Variants in GATA5 observed in about 807,000 individuals in gnomAD.
GATA5 encodes transcription factor GATA-5.
In GATA5, 27 loss-of-function variants were observed where a neutral mutation model predicts 35.0. The ratio of observed to expected loss-of-function variants is 0.77; its 90% confidence interval spans 0.57 to 1.06. GATA5 has a LOEUF of 1.06. GATA5 is among the 50% of genes least tolerant of loss of function. The probability of loss-of-function intolerance (pLI) is 0.00; values close to 1 mark genes in which losing one functional copy is unlikely to be tolerated. For missense variants in GATA5, 612 were observed against 580.0 expected (o/e 1.06, Z -0.57); for synonymous variants, 306 against 267.8 (o/e 1.14, Z -1.39).
In GATA5 at chr20:62,470,938, C is replaced by T. The variant is rs1989705006; in HGVS notation, c.699+2465G>A. Among the ~76,000 whole-genome samples, 1 of 152,206 alleles carries T rather than the reference C, an allele frequency of 6.6e-6. No homozygotes were observed. Among genetic ancestry groups the T allele is most frequent in the African/African-American group, 2.4e-5 (1 of 41,452 alleles). On this transcript the variant is annotated intron_variant, in intron 3 of 6. Coordinates refer to ENST00000252997, the MANE Select transcript of GATA5 (RefSeq NM_080473.5). The surrounding 1 kb of genome is among the most constrained non-coding windows in gnomAD (Gnocchi z 4.6). ...CTACCCCAGACCAGGGAATGGAGGC[C>T]TCATCACGCCAAGGGCCCCCATTAG...
In GATA5 at chr20:62,464,804, G is replaced by A. The variant is rs1555895836; in HGVS notation, c.*32C>T. The A allele has an allele frequency of 6.4e-7, 1 of 1,552,914 alleles. No homozygotes were observed. The highest frequency in any genetic ancestry group is 8.7e-7 in the Non-Finnish European group (1 of 1,148,400). ...TGACTCAGTGGGTGGTCTGTTCCAG[G>A]CTGTTCCCCTGACATGGGCTGGCCT... On this transcript the variant is annotated 3_prime_UTR_variant, in exon 7 of 7. Transcript: ENST00000252997.
rs1249359892 is a variant in GATA5 at position 62,470,006 on chromosome 20, C to T, written c.699+3397G>A. On this transcript the variant is annotated intron_variant, in intron 3 of 6. Transcript: ENST00000252997. The surrounding 1 kb of genome is among the most constrained non-coding windows in gnomAD (Gnocchi z 4.6). ...CTGCCCAACAAGCAGCCCAGCCTGG[C>T]CACACTCAGCACCCTGCCCCCCAGG... Among the ~76,000 whole-genome samples, 3 of 152,232 alleles carry T rather than the reference C, an allele frequency of 2.0e-5. No homozygotes were observed. Among genetic ancestry groups the T allele is most frequent in the Non-Finnish European group, 4.4e-5 (3 of 68,038 alleles).
In GATA5 at chr20:62,464,856, A is replaced by C. The variant is rs782631347; in HGVS notation, c.1174T>G (p.Cys392Gly). The C allele has an allele frequency of 6.2e-7, 1 of 1,607,682 alleles. No individual in the cohort carries two copies. Among genetic ancestry groups the C allele is most frequent in the Non-Finnish European group, 8.5e-7 (1 of 1,177,176 alleles). Residue 392 changes from cysteine (C) to glycine (G), a missense_variant, in exon 7 of 7, where the codon TGT becomes GGT. By Grantham distance (159) the Cys-to-Gly change is radical. Coordinates refer to ENST00000252997, the MANE Select transcript of GATA5 (RefSeq NM_080473.5). Reference protein sequence around the residue: ...LRGALRQEAWCALALA With the variant: ...LRGALRQEAWGALALA ...GGGACCTAGGCCAAGGCCAGCGCAC[A>C]CCAGGCCTCTTGGCGCAGAGCCCCC... is the stretch of plus-strand genomic sequence containing the variant.
At position 62,475,191 on chromosome 20, in the gene GATA5, G is replaced by A. The variant is rs1989823484; in HGVS notation, c.331C>T (p.Arg111Ter). The A allele has an allele frequency of 1.6e-6, 2 of 1,264,128 alleles. No homozygotes were observed. Among genetic ancestry groups the A allele is most frequent in the Non-Finnish European group, 2.0e-6 (2 of 1,002,636 alleles). The allele number at this position is 1,264,128 out of a possible 1,614,324, so 78.3% of individuals were successfully genotyped here. A position where few individuals can be genotyped will look rare whatever the true frequency, so the allele number is the denominator to read the frequency against. The change falls in exon 2 of 7, where the codon CGA becomes TGA. Residue 111 changes from arginine to a stop codon, truncating the protein, a stop_gained. Transcript: ENST00000252997. LOFTEE classifies it high-confidence loss of function. ...GPGSGGSAGGRDGSAYQGALL... is the reference protein window; with the variant it reads ...GPGSGGSAGG ...GCGCCCTGGTAGGCACTGCCGTCTC[G>A]GCCCCCCGCGCTGCCGCCGCTGCCG...
chr20:62,471,899 C>CT (rs782266668), intron 3 of GATA5, among the ~76,000 whole-genome samples: 4,799 of 134,976 alleles, frequency 0.036, 212 homozygotes, highest in African/African-American at 0.11. Context: ...TGACTAATTT[C>CT]TTTTTTTTTT....
Position 62,465,437 on chromosome 20 carries a change from G to A in GATA5, c.941C>T (p.Pro314Leu), listed in dbSNP as rs1417429864. 6.2e-7 allele frequency: 1 copy of A among 1,609,018 alleles called. No homozygotes were observed. The highest frequency in any genetic ancestry group is 1.3e-5 in the African/African-American group (1 of 75,024). Reference protein sequence around the residue: ...SGSTRNASASPSAVASTDSSA... With the variant: ...SGSTRNASASLSAVASTDSSA... Reference sequence around the variant, plus strand: ...GCTGTCAGTGCTGGCGACAGCAGATGGGGAGGCCGAGGCATTCCTTGTGGA... The same window carrying A: ...GCTGTCAGTGCTGGCGACAGCAGATAGGGAGGCCGAGGCATTCCTTGTGGA... The change falls in exon 6 of 7, where the codon CCA (proline) becomes CTA (leucine). Residue 314 changes from proline to leucine, a missense_variant. Transcript: ENST00000252997.
At chr20:62,475,846 G>A (rs1989849271) in intron 1 of GATA5, 84 bp downstream of exon 1, 1 of 218,490 alleles carries the variant, frequency 4.6e-6, no homozygotes, top group African/African-American at 2.3e-5. Context: ...GCAGGACGCA[G>A]GGCCTGGAGA....
chr20:62,473,498 G>C lies in GATA5; in HGVS notation c.604C>G (p.Arg202Gly), dbSNP rs1261156758. 6.2e-7 allele frequency: 1 copy of C among 1,609,904 alleles called. No individual in the cohort carries two copies. Among genetic ancestry groups the C allele is most frequent in the Non-Finnish European group, 8.5e-7 (1 of 1,178,664 alleles). Reference sequence around the variant, plus strand: ...CACAGGTAGTGGCCGGTGCCGTCTCGGCGCCACAGCGGTGTGGACAGGGCC... The same window carrying C: ...CACAGGTAGTGGCCGGTGCCGTCTCCGCGCCACAGCGGTGTGGACAGGGCC... ...CGALSTPLWRRDGTGHYLCNA... is the reference protein window; with the variant it reads ...CGALSTPLWRGDGTGHYLCNA... Residue 202 changes from arginine to glycine, a missense_variant, in exon 3 of 7, where the codon CGA becomes GGA. Transcript: ENST00000252997.
At position 62,465,873 on chromosome 20, in the gene GATA5, G is replaced by A. The variant is rs1989573210; in HGVS notation, c.874C>T (p.Arg292Trp). ...GCCTTGGCGATGGTCTTTGGCTTCC[G>A]CTTCCGTGTCTGGATGCTTTCCTTC... ...MKKESIQTRK[R>W]KPKTIAKARG... The change falls in exon 5 of 7, where the codon CGG becomes TGG. Residue 292 changes from arginine (R) to tryptophan (W), a missense_variant. Transcript: ENST00000252997. 8 of 1,598,126 alleles carry A rather than the reference G, an allele frequency of 5.0e-6. No individual in the cohort carries two copies. Among genetic ancestry groups the A allele is most frequent in the Non-Finnish European group, 6.8e-6 (8 of 1,172,314 alleles).
chr20:62,471,534 G>T (rs1179944931), intron 3 of GATA5, among the ~76,000 whole-genome samples: 1 of 141,132 alleles, frequency 7.1e-6, no homozygotes, highest in Non-Finnish European at 1.5e-5. Flanking sequence ...CAGCTCAAAA[G>T]ATCCTCCTGC....
intron 3 of GATA5, among the ~76,000 whole-genome samples, chr20:62,472,912 A>G (rs1989757359): frequency 6.6e-6 from 1 of 152,204 alleles, no homozygotes; most frequent in African/African-American, 2.4e-5. Flanking sequence ...CTACAGACCC[A>G]AAGACTCTCC....
chr20:62,473,668 C>G, intron 2 of GATA5, 90 bp from the exon 3 acceptor site: 1 of 1,300,524 alleles, frequency 7.7e-7, no homozygotes. Context: ...TCCCCAGGAG[C>G]CTGGCGGCTT....
chr20:62,464,524 G>C lies in GATA5; in HGVS notation c.*312C>G, dbSNP rs948517365. On this transcript the variant is annotated 3_prime_UTR_variant, in exon 7 of 7. Transcript: ENST00000252997. ...CATTGATGACGGAATTCAAGTTGGTGGTGGTGGTGCCCTGCGTTGGCCTCC... is the reference window on the plus strand; with the variant it reads ...CATTGATGACGGAATTCAAGTTGGTCGTGGTGGTGCCCTGCGTTGGCCTCC... The C allele has an allele frequency of 3.8e-6, 1 of 261,726 alleles. No individual in the cohort carries two copies. Among genetic ancestry groups the C allele is most frequent in the Non-Finnish European group, 7.2e-6 (1 of 138,880 alleles). The allele number at this position is 261,726 out of a possible 1,614,324, so 16.2% of individuals were successfully genotyped here.
Position 62,464,992 on chromosome 20 carries a change from C to T in GATA5, c.1039-1G>A. On this transcript the variant is annotated splice_acceptor_variant, in intron 6 of 6. Transcript: ENST00000252997. LOFTEE classifies it high-confidence loss of function. ...GAGAGTCATCCTCCTGGCCAGAGGC[C>T]TGCAGGGACAGGAGAGCGTGAGAAT... The T allele has an allele frequency of 7.3e-7, 1 of 1,369,978 alleles. No homozygotes were observed. Among genetic ancestry groups the T allele is most frequent in the East Asian group, 4.4e-5 (1 of 22,650 alleles). The allele number at this position is 1,369,978 out of a possible 1,614,324, so 84.9% of individuals were successfully genotyped here. A position where few individuals can be genotyped will look rare whatever the true frequency, so the allele number is the denominator to read the frequency against.
In GATA5 at chr20:62,464,561, C is replaced by T; in HGVS notation, c.*275G>A. 1 of 334,458 alleles carries T rather than the reference C, an allele frequency of 3.0e-6. No homozygotes were observed. The highest frequency in any genetic ancestry group is 5.4e-6 in the Non-Finnish European group (1 of 184,978). The allele number at this position is 334,458 out of a possible 1,614,324, so 20.7% of individuals were successfully genotyped here. ...CTGCGTTGGCCTCCGCCGCAGGGGGCCAGTGTGGTCCGGAGCCTTGGGCCG... is the reference window on the plus strand; with the variant it reads ...CTGCGTTGGCCTCCGCCGCAGGGGGTCAGTGTGGTCCGGAGCCTTGGGCCG... On this transcript the variant is annotated 3_prime_UTR_variant, in exon 7 of 7. Transcript: ENST00000252997.
rs782766788 is a variant in GATA5, at chr20:62,473,462, C to T, written c.640G>A (p.Gly214Ser). Residue 214 changes from glycine (G) to serine (S), a missense_variant, in exon 3 of 7, where the codon GGC becomes AGC. Transcript: ENST00000252997. ...GTGHYLCNACGLYHKMNGVNR... is the reference protein window; with the variant it reads ...GTGHYLCNACSLYHKMNGVNR... ...ACGCCATTCATCTTGTGGTAGAGGC[C>T]GCAGGCATTGCACAGGTAGTGGCCG... 33 of 1,611,256 alleles carry T rather than the reference C, an allele frequency of 2.0e-5. No individual in the cohort carries two copies. The highest frequency in any genetic ancestry group is 1.2e-4 in the African/African-American group (9 of 74,916).
intron 3 of GATA5, among the ~76,000 whole-genome samples, chr20:62,467,290 G>A (rs73303282): frequency 0.054 from 8,246 of 152,232 alleles, 782 homozygotes; most frequent in African/African-American, 0.19. Flanking sequence ...CTGGCTGCCT[G>A]GGGAGTCCCT....
intron 1 of GATA5, 87 bp downstream of exon 1, chr20:62,475,843 G>A: frequency 4.5e-6 from 1 of 220,260 alleles, no homozygotes; most frequent in Non-Finnish European, 8.9e-6. Context: ...GCCGCAGGAC[G>A]CAGGGCCTGG....
rs150649875 is a variant in GATA5 at position 62,466,504 on chromosome 20, G to C, written c.747C>G (p.Thr249=). 50 of 1,566,828 alleles carry C rather than the reference G, an allele frequency of 3.2e-5. No individual in the cohort carries two copies. The African/African-American group carries it at 6.1e-4, about 19-fold the overall frequency. The change falls in exon 4 of 7, where the codon ACC becomes ACG. Residue 249 remains threonine (T), a synonymous_variant. Coordinates refer to ENST00000252997, the MANE Select transcript of GATA5 (RefSeq NM_080473.5). The part of the protein sequence containing the change: ...AGLCCTNCHT[T]NTTLWRRNSE... Reference sequence around the variant, plus strand: ...AGTTCCGCCGCCACAGCGTGGTGTTGGTCGTGTGGCAGTTGGTGCAGCAGA... The same window carrying C: ...AGTTCCGCCGCCACAGCGTGGTGTTCGTCGTGTGGCAGTTGGTGCAGCAGA...
Sources: gnomAD v4.1 joint callset for allele counts (sites outside exome capture counted in the v4.1 genomes callset) on GRCh38, gnomAD v4.1.1 for gene constraint, Gnocchi (gnomAD v3.1) non-coding constraint, MANE v1.5 for transcripts, NCBI Gene and HGNC (gene_info 2026-07-23, HGNC 2026-07-21) for gene names.